The following ATP10B variants were observed in gnomAD, a reference collection of about 807,000 sequenced individuals.
The protein encoded by ATP10B is phospholipid-transporting ATPase VB.
A neutral mutation model predicts 141.2 loss-of-function variants in ATP10B; 122 were observed. That is an observed-to-expected ratio of 0.86 (90% CI 0.75 to 1.00). ATP10B has a LOEUF of 1.00. ATP10B is among the 50% of genes least tolerant of loss of function. ATP10B has a pLI of 0.00. For missense variants in ATP10B, 1,876 were observed against 1,825.3 expected (o/e 1.03, Z -0.51); for synonymous variants, 685 against 692.0 (o/e 0.99, Z 0.16).
chr5:160,819,706 ATTAG>A, intron 1 of ATP10B, among the ~76,000 whole-genome samples: 1 of 152,292 alleles, frequency 6.6e-6, no homozygotes, highest in Middle Eastern at 3.4e-3. Flanking sequence ...TGGAGTTTTT[ATTAG>A]TTTTCTTTTT....
intron 1 of ATP10B, among the ~76,000 whole-genome samples, chr5:160,818,255 C>G (rs1445981253): frequency 6.6e-6 from 1 of 152,170 alleles, no homozygotes; most frequent in Non-Finnish European, 1.5e-5. Flanking sequence ...ACTCATCTGA[C>G]AAGGGGCTAA....
chr5:160,776,109 A>G (rs1340088583), intron 2 of ATP10B, among the ~76,000 whole-genome samples: 4 of 152,158 alleles, frequency 2.6e-5, no homozygotes, highest in Non-Finnish European at 5.9e-5. Context: ...AGCTTTATGA[A>G]GGGAATGGAT....
the ATP10B span, among the ~76,000 whole-genome samples, chr5:160,889,604 A>T: frequency 1.3e-5 from 2 of 152,324 alleles, no homozygotes; most frequent in Admixed American, 6.5e-5. Context: ...CTGAAGACAC[A>T]TCAGTGGGCA....
intron 10 of ATP10B, among the ~76,000 whole-genome samples, chr5:160,637,609 T>C (rs1460756605): frequency 1.3e-5 from 2 of 152,348 alleles, no homozygotes; most frequent in Non-Finnish European, 1.5e-5. Context: ...CTGAGGATTA[T>C]GTAAGGTGAA....
intron 1 of ATP10B, among the ~76,000 whole-genome samples, chr5:160,789,556 C>G (rs1233712956): frequency 2.0e-5 from 3 of 152,096 alleles, no homozygotes; most frequent in Admixed American, 2.0e-4. Flanking sequence ...CTTATGGGAC[C>G]ACTATTGTAT....
intron 2 of ATP10B, 91 bp downstream of exon 2, chr5:160,785,468 G>T: frequency 2.8e-6 from 1 of 359,812 alleles, no homozygotes; most frequent in South Asian, 2.2e-5. Flanking sequence ...GACTCAGAGG[G>T]TACATGTGCA....
chr5:160,694,333 C>G (rs946365644), intron 3 of ATP10B, among the ~76,000 whole-genome samples: 1 of 152,244 alleles, frequency 6.6e-6, no homozygotes, highest in South Asian at 2.1e-4. Context: ...AGTTGTAAAG[C>G]CTTTGTCTCA....
At chr5:160,913,391 G>A in the ATP10B span, among the ~76,000 whole-genome samples, 1 of 152,110 alleles carries the variant, frequency 6.6e-6, no homozygotes, top group Non-Finnish European at 1.5e-5. Context: ...GCATTTTGTT[G>A]GATCATGGAG....
chr5:160,769,961 T>A (rs1769763073), intron 2 of ATP10B, among the ~76,000 whole-genome samples: 1 of 152,184 alleles, frequency 6.6e-6, no homozygotes, highest in African/African-American at 2.4e-5. Flanking sequence ...AGAGAACAGC[T>A]GAAGAGCTAT....
At chr5:160,831,335 T>C (rs991509742) in intron 1 of ATP10B, among the ~76,000 whole-genome samples, 1 of 151,988 alleles carries the variant, frequency 6.6e-6, no homozygotes, top group Non-Finnish European at 1.5e-5. Flanking sequence ...TACCTTATGA[T>C]GAATAAGATT....
At chr5:160,809,405 T>C (rs1472725087) in intron 1 of ATP10B, among the ~76,000 whole-genome samples, 1 of 152,194 alleles carries the variant, frequency 6.6e-6, no homozygotes, top group East Asian at 1.9e-4. Flanking sequence ...AAATTTTTTT[T>C]CTACTTGACA....
intron 2 of ATP10B, among the ~76,000 whole-genome samples, chr5:160,762,783 T>C (rs1769136780): frequency 6.6e-6 from 1 of 152,058 alleles, no homozygotes; most frequent in Non-Finnish European, 1.5e-5. Context: ...GCAGAATGGA[T>C]TAAAATTCAC....
chr5:160,885,754 G>A, the ATP10B span, among the ~76,000 whole-genome samples: 2 of 152,118 alleles, frequency 1.3e-5, no homozygotes, highest in African/African-American at 4.8e-5. Context: ...CTAGTTGATG[G>A]GATAAATCAT....
At chr5:160,655,528 T>C (rs1218098999) in intron 7 of ATP10B, among the ~76,000 whole-genome samples, 1 of 152,092 alleles carries the variant, frequency 6.6e-6, no homozygotes, top group Non-Finnish European at 1.5e-5. Flanking sequence ...AGGTTAGTAA[T>C]GGAGAGGGTG....
chr5:160,927,936 G>A, the ATP10B span, among the ~76,000 whole-genome samples: 1 of 152,208 alleles, frequency 6.6e-6, no homozygotes, highest in Non-Finnish European at 1.5e-5. Flanking sequence ...TTAAAAATAG[G>A]AAGCTAATAT....
chr5:160,686,138 G>C lies in ATP10B; in HGVS notation c.411C>G (p.Asp137Glu). 1 of 1,611,072 alleles carries C rather than the reference G, an allele frequency of 6.2e-7. No individual in the cohort carries two copies. The highest frequency in any genetic ancestry group is 8.5e-7 in the Non-Finnish European group (1 of 1,178,202). ...CTTTATCAAAGCGGTGTCTCTTGAA[G>C]TCCTCCATGCCATCCTTGATCATGA... The part of the protein sequence containing the change: ...FVIMIKDGME[D>E]FKRHRFDKAI... Residue 137 changes from aspartate (D) to glutamate (E), a missense_variant, in exon 6 of 26, where the codon GAC (aspartate) becomes GAG (glutamate). Asp to Glu is a conservative substitution (Grantham distance 45). Coordinates refer to ENST00000327245, the MANE Select transcript of ATP10B (RefSeq NM_025153.3).
At chr5:160,774,415 T>C (rs1015682364) in intron 2 of ATP10B, among the ~76,000 whole-genome samples, 3 of 152,326 alleles carry the variant, frequency 2.0e-5, no homozygotes, top group Admixed American at 6.5e-5. Context: ...GGCAAATCTC[T>C]CAATCTTTCT....
chr5:160,732,868 G>A (rs1766839971), intron 2 of ATP10B, among the ~76,000 whole-genome samples: 1 of 152,040 alleles, frequency 6.6e-6, no homozygotes, highest in African/African-American at 2.4e-5. Flanking sequence ...TCAGAGACAG[G>A]GTCTTGCTCT....
rs1270779757 is a variant in ATP10B, at chr5:160,852,208, A to C, written c.-843T>G. On this transcript the variant is annotated 5_prime_UTR_variant, in exon 1 of 26. Transcript: ENST00000327245. ...AGCTGCCTCGCTAGGCCCAAGAGTG[A>C]AAGAGAAGAATAGCAAGTCTGTGAA... 1 of 151,958 alleles carries C rather than the reference A, an allele frequency of 6.6e-6. No homozygotes were observed. The highest frequency in any genetic ancestry group is 1.5e-5 in the Non-Finnish European group (1 of 68,038). The allele number at this position is 151,958 out of a possible 1,614,324, so 9.4% of individuals were successfully genotyped here. A position where few individuals can be genotyped will look rare whatever the true frequency, so the allele number is the denominator to read the frequency against.
Sources: allele counts gnomAD v4.1 joint callset (sites outside exome capture counted in the v4.1 genomes callset), GRCh38; gene constraint gnomAD v4.1.1; transcripts MANE v1.5; gene names NCBI Gene and HGNC (gene_info 2026-07-23, HGNC 2026-07-21).